Variants in EPB41L3 observed in about 807,000 individuals in gnomAD.
EPB41L3 encodes the protein erythrocyte membrane protein band 4.1 like 3, also known as band 4.1-like protein 3.
In EPB41L3, 57 loss-of-function variants were observed where a neutral mutation model predicts 127.1. The ratio of observed to expected loss-of-function variants is 0.45; its 90% CI spans 0.36 to 0.56. EPB41L3 has a LOEUF of 0.56. Among genes scored for constraint, EPB41L3 ranks in the 20% least tolerant of loss-of-function variants. EPB41L3 has a pLI of 0.00. For missense variants in EPB41L3, 1,273 were observed against 1,372.2 expected, an observed-to-expected ratio of 0.93 and a Z score of 1.14; for synonymous variants, 572 against 549.5, an observed-to-expected ratio of 1.04 and a Z score of -0.57.
At chr18:5,575,172 T>C (rs1445315315) in intron 3 of EPB41L3, among the ~76,000 whole-genome samples, 1 of 152,218 alleles carries the variant, frequency 6.6e-6, no homozygotes, top group Non-Finnish European at 1.5e-5. Flanking sequence ...TTCTGCCACT[T>C]GCTGTTTAAT....
upstream of EPB41L3, among the ~76,000 whole-genome samples, chr18:5,548,815 A>G (rs935494884): frequency 1.3e-5 from 2 of 152,240 alleles, no homozygotes; most frequent in Admixed American, 6.5e-5. Context: ...ATGGTAAAAT[A>G]TGAATGCTAG....
At chr18:5,519,021 G>A (rs191870358) in intron 1 of EPB41L3, among the ~76,000 whole-genome samples, 7 of 152,308 alleles carry the variant, frequency 4.6e-5, no homozygotes, top group Non-Finnish European at 7.3e-5. Context: ...ATCTCAGATC[G>A]TGTGTCAAGT....
intron 4 of EPB41L3, 53 bp downstream of exon 4, chr18:5,445,087 G>T: frequency 7.5e-7 from 1 of 1,339,578 alleles, no homozygotes; most frequent in Non-Finnish European, 1.1e-6. Flanking sequence ...TCACTTTCTG[G>T]CAGTAATGAG....
chr18:5,423,869 A>G (rs74814799), intron 10 of EPB41L3, among the ~76,000 whole-genome samples: 10 of 152,298 alleles, frequency 6.6e-5, no homozygotes, highest in Non-Finnish European at 1.0e-4. Flanking sequence ...AAGAAGAGTG[A>G]CAATTTGGTG....
At chr18:5,450,567 C>A (rs1452462505) in intron 3 of EPB41L3, among the ~76,000 whole-genome samples, 2 of 151,724 alleles carry the variant, frequency 1.3e-5, no homozygotes, top group Non-Finnish European at 2.9e-5. Context: ...CATACATCTA[C>A]TAACTAAAAA....
chr18:5,528,306 G>C (rs1191136068), intron 1 of EPB41L3, among the ~76,000 whole-genome samples: 1 of 151,766 alleles, frequency 6.6e-6, no homozygotes, highest in Non-Finnish European at 1.5e-5. Context: ...GTAGTAGCTG[G>C]AACTACAGGC....
intron 1 of EPB41L3, among the ~76,000 whole-genome samples, chr18:5,510,642 G>A (rs1021988487): frequency 2.0e-5 from 3 of 152,124 alleles, no homozygotes; most frequent in Non-Finnish European, 4.4e-5. Context: ...ATTATCCTGC[G>A]CCGCATTCTT....
intron 1 of EPB41L3, among the ~76,000 whole-genome samples, chr18:5,495,873 C>T (rs2091121833): frequency 6.6e-6 from 1 of 152,144 alleles, no homozygotes; most frequent in South Asian, 2.1e-4. Context: ...ATATTCACAG[C>T]AAGAAATCTA....
intron 3 of EPB41L3, among the ~76,000 whole-genome samples, chr18:5,556,841 C>T (rs1444893824): frequency 2.0e-5 from 3 of 152,136 alleles, no homozygotes; most frequent in Admixed American, 2.0e-4. Flanking sequence ...CTTCAAGGAT[C>T]ATTGAGAGGA....
chr18:5,545,122 C>T (rs931033286), upstream of EPB41L3, among the ~76,000 whole-genome samples: 2 of 152,142 alleles, frequency 1.3e-5, no homozygotes, highest in Non-Finnish European at 2.9e-5. Context: ...CTATAATATA[C>T]TCATTTAGCA....
chr18:5,547,489 C>T (rs150935193), upstream of EPB41L3, among the ~76,000 whole-genome samples: 2 of 152,306 alleles, frequency 1.3e-5, no homozygotes, highest in Admixed American at 6.5e-5. Context: ...GATTCCATGA[C>T]TCTAGCCTAG....
intron 1 of EPB41L3, among the ~76,000 whole-genome samples, chr18:5,529,928 ATGTGTGTG>A (rs10611279): frequency 2.6e-4 from 38 of 146,884 alleles, no homozygotes; most frequent in East Asian, 1.6e-3. Flanking sequence ...CAACTCATAT[ATGTGTGTG>A]TGTGTGTGTG....
At chr18:5,394,079 C>T (rs1381464145) in intron 22 of EPB41L3, 1 of 153,028 alleles carries the variant, frequency 6.5e-6, no homozygotes, top group East Asian at 1.9e-4. Context: ...CAGTGCTACG[C>T]TAGGGAGAAA....
intron 1 of EPB41L3, among the ~76,000 whole-genome samples, chr18:5,503,978 A>C (rs2091954082): frequency 6.6e-6 from 1 of 152,214 alleles, no homozygotes; most frequent in Non-Finnish European, 1.5e-5. Flanking sequence ...GATATTCTCC[A>C]CCTATATTAG....
At chr18:5,592,140 T>C (rs927766180) in intron 3 of EPB41L3, among the ~76,000 whole-genome samples, 22 of 152,176 alleles carry the variant, frequency 1.4e-4, no homozygotes, top group African/African-American at 5.3e-4. Context: ...AGAAAAGTCA[T>C]TCAAGTCTTT....
rs898466248 is a variant in EPB41L3 at position 5,393,461 on chromosome 18, G to A, written c.*24C>T. On this transcript the variant is annotated 3_prime_UTR_variant, in exon 23 of 23. Transcript: ENST00000341928. ...TAACGGTTTGCATGACTGCATTCAT[G>A]TGCAAGCTAAGTTATTCCTGCAAAA... 24 of 701,226 alleles carry A rather than the reference G, an allele frequency of 3.4e-5. No individual in the cohort carries two copies. Among genetic ancestry groups the A allele is most frequent in the Non-Finnish European group, 5.2e-5 (20 of 384,440 alleles). The allele number at this position is 701,226 out of a possible 1,614,324, so 43.4% of individuals were successfully genotyped here. A position where few individuals can be genotyped will look rare whatever the true frequency, so the allele number is the denominator to read the frequency against.
At chr18:5,542,836 G>A (rs2149075813) in intron 1 of EPB41L3, among the ~76,000 whole-genome samples, 1 of 152,352 alleles carries the variant, frequency 6.6e-6, no homozygotes, top group South Asian at 2.1e-4. Context: ...CATTGCAGAA[G>A]CCATGAACTT....
intron 3 of EPB41L3, among the ~76,000 whole-genome samples, chr18:5,578,230 C>G (rs755809872): frequency 6.6e-6 from 1 of 152,176 alleles, no homozygotes; most frequent in Non-Finnish European, 1.5e-5. Context: ...TAAGTCAACT[C>G]AGTGAACATT....
In EPB41L3 at chr18:5,401,136, C is replaced by T. The variant is rs568616840; in HGVS notation, c.2350-2993G>A. 4 of 621,134 alleles carry T rather than the reference C, an allele frequency of 6.4e-6. No homozygotes were observed. In the African/African-American group the frequency reaches 7.3e-5, roughly 11 times the overall value. The allele number at this position is 621,134 out of a possible 1,614,324, so 38.5% of individuals were successfully genotyped here. A position where few individuals can be genotyped will look rare whatever the true frequency, so the allele number is the denominator to read the frequency against. Reference sequence around the variant, plus strand: ...AGGGAGTTCTTTCATTGTATTATCTCTATCTATCTATCATCTCATATATTC... The same window carrying T: ...AGGGAGTTCTTTCATTGTATTATCTTTATCTATCTATCATCTCATATATTC... On this transcript the variant is annotated intron_variant, in intron 16 of 22. Transcript: ENST00000341928.
Sources: allele counts gnomAD v4.1 joint callset (sites outside exome capture counted in the v4.1 genomes callset), GRCh38; gene constraint gnomAD v4.1.1; transcripts MANE v1.5; gene names NCBI Gene and HGNC (gene_info 2026-07-23, HGNC 2026-07-21).